The following SDK1 variants were observed in gnomAD, a reference collection of about 807,000 sequenced individuals.
The protein encoded by SDK1 is protein sidekick-1.
Under a neutral mutation model 245.5 loss-of-function variants are expected in SDK1, and 157 were observed. The observed-to-expected ratio is 0.64, with a 90% CI of 0.56 to 0.73. The LOEUF is 0.73. Among genes scored for constraint, SDK1 ranks in the 30% least tolerant of loss-of-function variants. The pLI, the probability that SDK1 is intolerant of heterozygous loss-of-function variation, is 0.00. For missense variants in SDK1, 3,583 were observed against 3,002.3 expected, an observed-to-expected ratio of 1.19 and a Z score of -4.52; for synonymous variants, 1,647 against 1,278.5, an observed-to-expected ratio of 1.29 and a Z score of -6.15.
At chr7:3,524,571 C>A (rs1239932111) in intron 1 of SDK1, among the ~76,000 whole-genome samples, 1 of 151,942 alleles carries the variant, frequency 6.6e-6, no homozygotes, top group Non-Finnish European at 1.5e-5. Context: ...TGTACATGTA[C>A]CTGTAAATAA....
chr7:3,544,728 A>G (rs540656994), intron 1 of SDK1, among the ~76,000 whole-genome samples: 4 of 152,194 alleles, frequency 2.6e-5, no homozygotes, highest in Non-Finnish European at 4.4e-5. Context: ...CCATAAAATC[A>G]GGAAATCTAG....
chr7:4,091,609 T>C (rs1416625567), intron 22 of SDK1, among the ~76,000 whole-genome samples: 1 of 152,140 alleles, frequency 6.6e-6, no homozygotes, highest in East Asian at 1.9e-4. Context: ...TCCAAAGTGC[T>C]AGGATTACAG....
intron 1 of SDK1, among the ~76,000 whole-genome samples, chr7:3,437,594 A>T (rs1238409301): frequency 6.6e-6 from 1 of 151,908 alleles, no homozygotes; most frequent in Non-Finnish European, 1.5e-5. Context: ...CAACAGCAAG[A>T]CCCCTTCTCT....
intron 44 of SDK1, among the ~76,000 whole-genome samples, chr7:4,253,661 T>C (rs1408956341): frequency 2.0e-5 from 3 of 152,210 alleles, no homozygotes; most frequent in Non-Finnish European, 4.4e-5. Context: ...TGATTTATCA[T>C]GTTGTTTCCA....
At chr7:4,255,391 CCTT>C (rs1231118561) in intron 44 of SDK1, among the ~76,000 whole-genome samples, 1 of 152,168 alleles carries the variant, frequency 6.6e-6, no homozygotes, top group Non-Finnish European at 1.5e-5. Flanking sequence ...AGGACAATAG[CCTT>C]CTTCTTCCAT....
chr7:3,454,982 C>T (rs1311639348), intron 1 of SDK1, among the ~76,000 whole-genome samples: 1 of 152,138 alleles, frequency 6.6e-6, no homozygotes, highest in Non-Finnish European at 1.5e-5. Flanking sequence ...TGTATCCTTG[C>T]CTGCATTTGG....
intron 34 of SDK1, among the ~76,000 whole-genome samples, chr7:4,177,740 T>C (rs1252194148): frequency 1.3e-5 from 2 of 152,196 alleles, no homozygotes; most frequent in African/African-American, 4.8e-5. Flanking sequence ...TCCCATTTAT[T>C]GTGTACTTTA....
chr7:3,775,812 A>G (rs1000103171), intron 4 of SDK1, among the ~76,000 whole-genome samples: 6 of 151,882 alleles, frequency 4.0e-5, no homozygotes, highest in Non-Finnish European at 8.8e-5. Context: ...TCCTGACCTC[A>G]TGATCCACCC....
At chr7:4,119,876 A>G (rs1005904700) in intron 25 of SDK1, among the ~76,000 whole-genome samples, 12 of 149,192 alleles carry the variant, frequency 8.0e-5, no homozygotes, top group African/African-American at 1.5e-4. Context: ...ACATACATAC[A>G]AGTCTGAGAG....
chr7:4,043,540 G>T (rs567411258), intron 17 of SDK1, among the ~76,000 whole-genome samples: 8 of 152,224 alleles, frequency 5.3e-5, no homozygotes, highest in African/African-American at 1.9e-4. Flanking sequence ...AGAAGGGAGG[G>T]GAAAATGCCT....
intron 39 of SDK1, among the ~76,000 whole-genome samples, chr7:4,220,966 G>T: frequency 6.7e-6 from 1 of 148,160 alleles, no homozygotes; most frequent in Non-Finnish European, 1.5e-5. Context: ...TTTGTATTTT[G>T]TAGAGACAAG....
At chr7:3,701,254 T>A (rs1371852736) in intron 4 of SDK1, among the ~76,000 whole-genome samples, 1 of 152,188 alleles carries the variant, frequency 6.6e-6, no homozygotes, top group African/African-American at 2.4e-5. Flanking sequence ...CACTTGATGT[T>A]GAAAACTACA....
chr7:4,160,086 C>G (rs1460740260), intron 31 of SDK1, among the ~76,000 whole-genome samples: 1 of 152,176 alleles, frequency 6.6e-6, no homozygotes, highest in Non-Finnish European at 1.5e-5. Context: ...ACTGGAAAAG[C>G]CTTTCCGGTT....
chr7:4,173,263 G>A (rs1351017135), intron 32 of SDK1, among the ~76,000 whole-genome samples: 9 of 152,202 alleles, frequency 5.9e-5, no homozygotes, highest in Admixed American at 5.9e-4. Context: ...CGGAGGCTCA[G>A]CACCCAGATG....
chr7:3,556,211 T>C (rs891496374), intron 1 of SDK1, among the ~76,000 whole-genome samples: 8 of 139,948 alleles, frequency 5.7e-5, no homozygotes, highest in African/African-American at 2.1e-4. Context: ...GTGATACATA[T>C]ACACGATGGA....
chr7:3,844,411 A>T (rs1443202452), intron 5 of SDK1, among the ~76,000 whole-genome samples: 4 of 152,214 alleles, frequency 2.6e-5, no homozygotes, highest in Admixed American at 2.6e-4. Context: ...GTACTCCATC[A>T]GACCCACCCT....
In SDK1 at chr7:4,243,693, C is replaced by G. The variant is rs191533527; in HGVS notation, c.6251+1780C>G. ...GCCCCCATGATTCAAGTACCTCCCA[C>G]CAGGTCCCTCCCACGTCACATGGGA... On this transcript the variant is annotated intron_variant, in intron 43 of 44. Coordinates refer to ENST00000404826, the MANE Select transcript of SDK1 (RefSeq NM_152744.4). Among the ~76,000 whole-genome samples, 520 of 152,302 alleles carry G rather than the reference C, an allele frequency of 3.4e-3. 4 individuals are homozygous for G. Among genetic ancestry groups the G allele is most frequent in the African/African-American group, 0.012 (500 of 41,580 alleles).
chr7:3,487,851 G>A (rs1200078814), intron 1 of SDK1, among the ~76,000 whole-genome samples: 1 of 151,142 alleles, frequency 6.6e-6, no homozygotes, highest in African/African-American at 2.4e-5. Context: ...TTATTTACAA[G>A]CGGAGGGTGT....
intron 37 of SDK1, 148 bp from the exon 38 acceptor site, chr7:4,209,877 A>G: frequency 1.3e-6 from 1 of 752,166 alleles, no homozygotes; most frequent in East Asian, 2.9e-5. Context: ...GTGATCAATA[A>G]ATCTTTTCAT....
Sources: gnomAD v4.1 joint callset for allele counts (sites outside exome capture counted in the v4.1 genomes callset) on GRCh38, gnomAD v4.1.1 for gene constraint, MANE v1.5 for transcripts, NCBI Gene and HGNC (gene_info 2026-07-23, HGNC 2026-07-21) for gene names.